Variants in ARHGEF4 observed in about 807,000 individuals in gnomAD.
ARHGEF4 encodes APC-stimulated guanine nucleotide exchange factor 1.
In ARHGEF4, 119 loss-of-function variants were observed where a neutral mutation model predicts 162.0. The ratio of observed to expected loss-of-function variants is 0.73; its 90% confidence interval spans 0.63 to 0.86. The LOEUF (loss-of-function observed/expected upper bound fraction) is 0.86. ARHGEF4 is among the 40% of genes least tolerant of loss of function. ARHGEF4 has a pLI of 0.00. For synonymous variants in ARHGEF4, 1,014 were observed against 979.9 expected (o/e 1.03, Z -0.65); for missense variants, 2,488 against 2,456.0 (o/e 1.01, Z -0.28).
chr2:131,046,916 T>A lies in ARHGEF4; in HGVS notation c.*727T>A, dbSNP rs991824204. On this transcript the variant is annotated 3_prime_UTR_variant, in exon 14 of 14. Transcript: ENST00000409359. ...TCCAGAACCACCTCGTTCCTGGTTT[T>A]GTTTGGATTTTGGCATCTTGTTTTT... 1 of 152,716 alleles carries A rather than the reference T, an allele frequency of 6.5e-6. No homozygotes were observed. Among genetic ancestry groups the A allele is most frequent in the Non-Finnish European group, 1.5e-5 (1 of 68,052 alleles). The allele number at this position is 152,716 out of a possible 1,614,324, so 9.5% of individuals were successfully genotyped here.
chr2:131,029,283 T>C (rs1689681671), intron 5 of ARHGEF4, among the ~76,000 whole-genome samples: 1 of 151,962 alleles, frequency 6.6e-6, no homozygotes, highest in South Asian at 2.1e-4. Context: ...AGCTTAAACC[T>C]GGGAGGCAGA....
intron 1 of ARHGEF4, among the ~76,000 whole-genome samples, chr2:130,882,987 T>G (rs1679294339): frequency 6.6e-6 from 1 of 152,068 alleles, no homozygotes; most frequent in African/African-American, 2.4e-5. Flanking sequence ...TGGCTCCCCT[T>G]TCTGCCTGAG....
intron 1 of ARHGEF4, among the ~76,000 whole-genome samples, chr2:130,842,003 C>T (rs759126128): frequency 6.6e-6 from 1 of 152,204 alleles, no homozygotes; most frequent in Non-Finnish European, 1.5e-5. Context: ...TCACCATTCT[C>T]CCTGGTTTTT....
chr2:131,011,613 C>T, intron 4 of ARHGEF4: 2 of 1,529,100 alleles, frequency 1.3e-6, no homozygotes, highest in Non-Finnish European at 8.8e-7. Context: ...ATTGGTCGTT[C>T]CTGGTAGCTT....
chr2:130,842,791 C>T (rs1680695568), intron 1 of ARHGEF4, among the ~76,000 whole-genome samples: 1 of 152,190 alleles, frequency 6.6e-6, no homozygotes, highest in African/African-American at 2.4e-5. Flanking sequence ...GATCCTGGTA[C>T]CAGTTTCTTT....
At chr2:131,044,210 C>T (rs1691047551) in intron 11 of ARHGEF4, 89 bp from the exon 12 acceptor site, 1 of 1,544,594 alleles carries the variant, frequency 6.5e-7, no homozygotes, top group Non-Finnish European at 8.7e-7. Context: ...CCAGCAGCCC[C>T]TCCTATGGCT....
rs1681373332 is a variant in ARHGEF4 at position 130,914,503 on chromosome 2, A to G, written c.557A>G (p.Gln186Arg). The change falls in exon 2 of 14, where the codon CAG becomes CGG. Residue 186 changes from glutamine (Q) to arginine (R), a missense_variant. Physicochemically the swap from Gln to Arg is conservative, Grantham distance 43. Transcript: ENST00000409359. Reference protein sequence around the residue: ...GVPRHTGCCLQRATDSSGPEP... With the variant: ...GVPRHTGCCLRRATDSSGPEP... ...CCCCGACACACAGGGTGCTGCTTAC[A>G]GAGGGCCACAGACAGCAGTGGTCCT... 3.5e-6 allele frequency: 5 copies of G among 1,430,712 alleles called. No homozygotes were observed. The highest frequency in any genetic ancestry group is 4.6e-6 in the Non-Finnish European group (5 of 1,098,236). The allele number at this position is 1,430,712 out of a possible 1,614,324, so 88.6% of individuals were successfully genotyped here.
intron 4 of ARHGEF4, among the ~76,000 whole-genome samples, chr2:131,013,280 A>C (rs1033118454): frequency 6.6e-6 from 1 of 152,196 alleles, no homozygotes; most frequent in Admixed American, 6.5e-5. Flanking sequence ...ATTTCTTTAA[A>C]ATAATATGCT....
At chr2:130,928,461 T>C (rs569040264) in intron 2 of ARHGEF4, among the ~76,000 whole-genome samples, 1 of 152,366 alleles carries the variant, frequency 6.6e-6, no homozygotes, top group South Asian at 2.1e-4. Context: ...TGGAGATTCT[T>C]GTTCAATTAT....
At chr2:131,005,679 C>T (rs751361527) in intron 4 of ARHGEF4, among the ~76,000 whole-genome samples, 17 of 152,076 alleles carry the variant, frequency 1.1e-4, no homozygotes, top group Non-Finnish European at 2.1e-4. Flanking sequence ...CCTGTGTCCT[C>T]AGGTGGGAGG....
intron 6 of ARHGEF4, chr2:131,039,806 C>T (rs1451398065): frequency 3.2e-5 from 45 of 1,409,278 alleles, no homozygotes; most frequent in African/African-American, 7.6e-5. Context: ...TCGGATCACA[C>T]TGACGGCGGC....
chr2:131,011,597 C>A (rs1007130656), intron 4 of ARHGEF4: 2 of 1,517,286 alleles, frequency 1.3e-6, no homozygotes, highest in African/African-American at 2.8e-5. Context: ...TGCTATTAAT[C>A]CCCCCATTGG....
At chr2:131,012,300 CA>C (rs935957234) in intron 4 of ARHGEF4, among the ~76,000 whole-genome samples, 3 of 152,126 alleles carry the variant, frequency 2.0e-5, no homozygotes, top group Admixed American at 1.3e-4. Context: ...TCAGGCATCT[CA>C]GCAGAGGGGC....
chr2:130,910,966 A>G (rs1487804967), intron 1 of ARHGEF4, among the ~76,000 whole-genome samples: 1 of 152,248 alleles, frequency 6.6e-6, no homozygotes, highest in Non-Finnish European at 1.5e-5. Context: ...GTGTCCTCAC[A>G]TACTAATATT....
chr2:131,021,161 C>T (rs1295390103), intron 4 of ARHGEF4, among the ~76,000 whole-genome samples: 1 of 152,120 alleles, frequency 6.6e-6, no homozygotes, highest in Non-Finnish European at 1.5e-5. Flanking sequence ...ATGGTAGTTT[C>T]TTTTGCTGTG....
intron 4 of ARHGEF4, among the ~76,000 whole-genome samples, chr2:131,018,078 A>G (rs568799315): frequency 6.6e-6 from 1 of 152,336 alleles, no homozygotes; most frequent in African/African-American, 2.4e-5. Context: ...AATTTCAAGA[A>G]TTATTTTATA....
intron 8 of ARHGEF4, 128 bp from the exon 9 acceptor site, chr2:131,041,099 GCCT>G: frequency 1.3e-6 from 1 of 763,152 alleles, no homozygotes; most frequent in South Asian, 1.8e-5. Flanking sequence ...GGTACACACA[GCCT>G]GGGTCTCCCC....
intron 1 of ARHGEF4, among the ~76,000 whole-genome samples, chr2:130,838,081 T>G (rs1007942868): frequency 1.3e-5 from 2 of 151,682 alleles, no homozygotes; most frequent in Non-Finnish European, 2.9e-5. Context: ...GCATCAAGAG[T>G]GGAGAGGGCC....
intron 4 of ARHGEF4, among the ~76,000 whole-genome samples, chr2:130,988,895 T>TAGAGAGAGAGAG (rs1259444648): frequency 7.3e-5 from 8 of 109,100 alleles, no homozygotes; most frequent in East Asian, 3.8e-4. Context: ...TATATATATA[T>TAGAGAGAGAGAG]ATATATAGAG....
Sources: allele counts gnomAD v4.1 joint callset (sites outside exome capture counted in the v4.1 genomes callset), GRCh38; gene constraint gnomAD v4.1.1; transcripts MANE v1.5; gene names NCBI Gene and HGNC (gene_info 2026-07-23, HGNC 2026-07-21).